CEP95: variants seen among roughly 807,000 people sequenced by gnomAD.
CEP95 encodes the protein centrosomal protein of 95 kDa.
CEP95 carries 98 observed loss-of-function variants against 111.2 expected under a neutral mutation model. The observed-to-expected ratio is 0.88, with a 90% CI of 0.75 to 1.04. The LOEUF (loss-of-function observed/expected upper bound fraction) is 1.04, where lower values mean the gene tolerates loss of function less well. CEP95 is among the 50% of genes least tolerant of loss of function. CEP95 has a pLI of 0.00. For missense variants in CEP95, 1,027 were observed against 977.2 expected (o/e 1.05, Z -0.68); for synonymous variants, 323 against 327.1 (o/e 0.99, Z 0.14).
chr17:64,510,285 G>T lies in CEP95; in HGVS notation c.256+5G>T. The T allele has an allele frequency of 6.7e-7, 1 of 1,494,936 alleles. No homozygotes were observed. Among genetic ancestry groups the T allele is most frequent in the African/African-American group, 1.4e-5 (1 of 72,628 alleles). The allele number at this position is 1,494,936 out of a possible 1,614,324, so 92.6% of individuals were successfully genotyped here. ...TCAGCTTGTCTCACATAACAGGTTG[G>T]TATATGTATAACTATCACATAATTA... On this transcript the variant is annotated splice_donor_5th_base_variant and intron_variant, in intron 3 of 19. Coordinates refer to ENST00000556440, the MANE Select transcript of CEP95 (RefSeq NM_138363.3).
chr17:64,536,450 GAAAA>G, intron 17 of CEP95, 148 bp from the exon 18 acceptor site: 1 of 533,002 alleles, frequency 1.9e-6, no homozygotes. Flanking sequence ...ACCTGTCTCA[GAAAA>G]AGGAGGTACA....
At position 64,509,944 on chromosome 17, in the gene CEP95, T is replaced by C. The variant is rs181181316; in HGVS notation, c.149-229T>C. 3.0e-3 allele frequency among the ~76,000 whole-genome samples: 456 copies of C among 152,248 alleles called. 1 individual carries two copies. The highest frequency in any genetic ancestry group is 0.011 in the African/African-American group (437 of 41,530). The stretch of plus-strand genomic sequence containing the variant: ...ATGGTGTAATAAATATTCAACCGTA[T>C]TCAACCAGTCTAATATTGATAAATC... On this transcript the variant is annotated intron_variant, in intron 2 of 19. Coordinates refer to ENST00000556440, the MANE Select transcript of CEP95 (RefSeq NM_138363.3).
intron 6 of CEP95, 145 bp from the exon 7 acceptor site, chr17:64,521,257 G>T: frequency 1.6e-6 from 1 of 606,416 alleles, no homozygotes; most frequent in South Asian, 2.1e-5. Flanking sequence ...ATAATAATTG[G>T]TATTTTGAGC....
At chr17:64,506,837 T>C (rs541423737), upstream of CEP95, 31 of 599,650 alleles carry the variant, frequency 5.2e-5, 1 homozygote, top group African/African-American at 4.8e-4. Context: ...TGATAATCCT[T>C]TGACGGGTTT....
At position 64,508,653 on chromosome 17, in the gene CEP95, A is replaced by G; in HGVS notation, c.81A>G (p.Glu27=). 6.8e-7 allele frequency: 1 copy of G among 1,466,552 alleles called. No individual in the cohort carries two copies. Among genetic ancestry groups the G allele is most frequent in the Non-Finnish European group, 9.1e-7 (1 of 1,100,112 alleles). 90.8% of individuals were successfully genotyped at this position (1,466,552 alleles called of 1,614,324 possible). A position where few individuals can be genotyped will look rare whatever the true frequency, so the allele number is the denominator to read the frequency against. Residue 27 remains glutamate (E), a synonymous_variant, in exon 2 of 20, where the codon GAA becomes GAG. Coordinates refer to ENST00000556440, the MANE Select transcript of CEP95 (RefSeq NM_138363.3). ...GTCATATACATCTGAGAATACATGAACTTCAAGACTGTGATGCTAATGTTT... is the reference window on the plus strand; with the variant it reads ...GTCATATACATCTGAGAATACATGAGCTTCAAGACTGTGATGCTAATGTTT... ...FKCHIHLRIH[E]LQDCDANVFI... is the part of the protein sequence containing the mutation.
intron 5 of CEP95, among the ~76,000 whole-genome samples, chr17:64,518,275 GT>G (rs1197544587): frequency 7.9e-5 from 12 of 152,158 alleles, no homozygotes; most frequent in Non-Finnish European, 1.6e-4. Flanking sequence ...AAAGTAGAGA[GT>G]TTTTTTAAAT....
chr17:64,520,170 G>C (rs1967204570), intron 6 of CEP95, among the ~76,000 whole-genome samples: 1 of 152,212 alleles, frequency 6.6e-6, no homozygotes, highest in Non-Finnish European at 1.5e-5. Context: ...GGAAGGGATG[G>C]TGATTGCAGA....
chr17:64,510,099 G>A (rs1271961076), intron 2 of CEP95, 74 bp from the exon 3 acceptor site: 12 of 777,330 alleles, frequency 1.5e-5, no homozygotes, highest in Non-Finnish European at 2.7e-5. Context: ...ATATTCAGTA[G>A]CCTAGTCAGA....
At chr17:64,510,132 C>G (rs370363122) in intron 2 of CEP95, 41 bp from the exon 3 acceptor site, 11 of 1,181,682 alleles carry the variant, frequency 9.3e-6, no homozygotes, top group Non-Finnish European at 1.4e-5. Context: ...AAAACTTGGC[C>G]TCTCATGGAT....
Position 64,536,584 on chromosome 17 carries a change from C to T in CEP95, c.2071-18C>T, listed in dbSNP as rs781954064. On this transcript the variant is annotated intron_variant, in intron 17 of 19. Coordinates refer to ENST00000556440, the MANE Select transcript of CEP95 (RefSeq NM_138363.3). ...TGATATTCCTCAATGACTATTTTTACGATTAAATAACTGACAGATATTTAA... is the reference window on the plus strand; with the variant it reads ...TGATATTCCTCAATGACTATTTTTATGATTAAATAACTGACAGATATTTAA... 44 of 1,571,846 alleles carry T rather than the reference C, an allele frequency of 2.8e-5. No homozygotes were observed. Among genetic ancestry groups the T allele is most frequent in the African/African-American group, 9.7e-5 (7 of 72,370 alleles).
At chr17:64,521,627 C>G in intron 7 of CEP95, 100 bp downstream of exon 7, 1 of 1,048,144 alleles carries the variant, frequency 9.5e-7, no homozygotes, top group Non-Finnish European at 1.3e-6. Context: ...TATATGAGAT[C>G]CTTTTTGGTC....
chr17:64,535,441 C>A, intron 17 of CEP95: 1 of 153,354 alleles, frequency 6.5e-6, no homozygotes, highest in Non-Finnish European at 1.5e-5. Context: ...CAGTGATGTA[C>A]ATGTGTAGGT....
At chr17:64,518,570 G>C (rs782643004) in intron 5 of CEP95, among the ~76,000 whole-genome samples, 1 of 152,218 alleles carries the variant, frequency 6.6e-6, no homozygotes, top group Non-Finnish European at 1.5e-5. Context: ...TTGCTAACTA[G>C]AGGTTGAGCA....
chr17:64,516,872 T>C (rs781947432), intron 5 of CEP95, 44 bp downstream of exon 5: 2 of 1,168,904 alleles, frequency 1.7e-6, no homozygotes, highest in Non-Finnish European at 2.5e-6. Context: ...AAGTTACGCT[T>C]TTTGGACTAA....
In CEP95 at chr17:64,537,082, A is replaced by C. The variant is rs781864941; in HGVS notation, c.2259A>C (p.Glu753Asp). 4 of 1,613,144 alleles carry C rather than the reference A, an allele frequency of 2.5e-6. No individual in the cohort carries two copies. The East Asian group carries it at 8.9e-5, about 36-fold the overall frequency. ...LAEAISQEHQ[E>D]LKAREKSQAQ... ...AAGCCATATCACAGGAACATCAAGAACTTAAAGCCAGAGAGAAATCTCAGG... is the reference window on the plus strand; with the variant it reads ...AAGCCATATCACAGGAACATCAAGACCTTAAAGCCAGAGAGAAATCTCAGG... The change falls in exon 19 of 20, where the codon GAA becomes GAC. Residue 753 changes from glutamate to aspartate, a missense_variant. By Grantham distance (45) the Glu-to-Asp change is conservative (BLOSUM62 2). Coordinates refer to ENST00000556440, the MANE Select transcript of CEP95 (RefSeq NM_138363.3).
At chr17:64,514,903 G>A (rs1555676015) in intron 4 of CEP95, 5 of 153,524 alleles carry the variant, frequency 3.3e-5, no homozygotes, top group Non-Finnish European at 7.2e-5. Context: ...ATGTTGAAAA[G>A]TTATCAAAAA....
chr17:64,528,729 C>A (rs1555679657), intron 11 of CEP95, among the ~76,000 whole-genome samples: 1 of 152,162 alleles, frequency 6.6e-6, no homozygotes, highest in Non-Finnish European at 1.5e-5. Flanking sequence ...ACTAGCAGAT[C>A]CCCAGACACA....
intron 5 of CEP95, among the ~76,000 whole-genome samples, chr17:64,518,827 C>T (rs1555677011): frequency 6.6e-6 from 1 of 152,054 alleles, no homozygotes; most frequent in African/African-American, 2.4e-5. Context: ...ATTACAGGCG[C>T]CTGCCACCAC....
At chr17:64,507,454 G>A (rs1266794071) in intron 1 of CEP95, 11 of 1,318,470 alleles carry the variant, frequency 8.3e-6, no homozygotes, top group Non-Finnish European at 1.1e-5. Flanking sequence ...CTCCGCCCTT[G>A]CACTATGGGC....
Sources: allele counts gnomAD v4.1 joint callset (sites outside exome capture counted in the v4.1 genomes callset), GRCh38; gene constraint gnomAD v4.1.1; transcripts MANE v1.5; gene names NCBI Gene and HGNC (gene_info 2026-07-23, HGNC 2026-07-21).